DNAH14: variants seen among roughly 807,000 people sequenced by gnomAD.
DNAH14 encodes the protein axonemal beta dynein heavy chain 14.
A neutral mutation model predicts 520.9 loss-of-function variants in DNAH14; 478 were observed. That is an observed-to-expected ratio of 0.92 (90% CI 0.85 to 0.99). DNAH14 has a LOEUF of 0.99. Ranked by LOEUF, DNAH14 falls within the 50% of genes least tolerant of loss-of-function variation. The probability of loss-of-function intolerance (pLI) is 0.00; values close to 1 mark genes in which losing one functional copy is unlikely to be tolerated. For synonymous variants in DNAH14, 1,581 were observed against 1,757.2 expected (o/e 0.90, Z 2.51); for missense variants, 4,831 against 5,234.5 (o/e 0.92, Z 2.38).
At chr1:225,130,553 A>G (rs2078283324) in intron 27 of DNAH14, among the ~76,000 whole-genome samples, 1 of 150,430 alleles carries the variant, frequency 6.6e-6, no homozygotes, top group South Asian at 2.1e-4. Flanking sequence ...CATCATTCTC[A>G]GTAAAATATC....
chr1:225,007,050 ATTT>A (rs2064232322), intron 9 of DNAH14, among the ~76,000 whole-genome samples: 1 of 152,182 alleles, frequency 6.6e-6, no homozygotes, highest in South Asian at 2.1e-4. Flanking sequence ...ATAATGCTGT[ATTT>A]TATCTTTGTG....
intron 7 of DNAH14, 145 bp downstream of exon 7, chr1:224,969,019 C>A: frequency 1.9e-6 from 1 of 527,724 alleles, no homozygotes; most frequent in Non-Finnish European, 3.3e-6. Flanking sequence ...ACGGAACACC[C>A]CATTTCCTCT....
intron 10 of DNAH14, among the ~76,000 whole-genome samples, chr1:225,018,923 G>T (rs1039846409): frequency 6.6e-6 from 1 of 152,114 alleles, no homozygotes; most frequent in Non-Finnish European, 1.5e-5. Flanking sequence ...GGAAATGAAA[G>T]AACATTCCCT....
intron 11 of DNAH14, among the ~76,000 whole-genome samples, chr1:225,028,370 C>T (rs2148076696): frequency 6.6e-6 from 1 of 151,952 alleles, no homozygotes; most frequent in Non-Finnish European, 1.5e-5. Flanking sequence ...TTATGTCTTT[C>T]TAGGATTTTG....
intron 23 of DNAH14, among the ~76,000 whole-genome samples, chr1:225,112,440 A>G (rs891619192): frequency 3.3e-5 from 5 of 152,128 alleles, no homozygotes; most frequent in Non-Finnish European, 5.9e-5. Flanking sequence ...AAATGCCTTG[A>G]GGAAGTCTTC....
intron 60 of DNAH14, among the ~76,000 whole-genome samples, chr1:225,317,638 T>C (rs376574853): frequency 3.3e-5 from 5 of 152,290 alleles, no homozygotes; most frequent in East Asian, 3.9e-4. Flanking sequence ...AAAAAAAGTA[T>C]AGCAGGTTTA....
chr1:225,218,031 C>T lies in DNAH14; in HGVS notation c.6439+10811C>T, dbSNP rs1028437204. ...CCATCTTGGAACCTCCTAGTCCCAA[C>T]CCAGAATTTAATATCCAGCCAAACT... On this transcript the variant is annotated intron_variant, in intron 41 of 85. Coordinates refer to ENST00000682510, the MANE Select transcript of DNAH14 (RefSeq NM_001367479.1). 2.3e-4 allele frequency among the ~76,000 whole-genome samples: 35 copies of T among 152,100 alleles called. 1 individual carries two copies. The highest frequency in any genetic ancestry group is 8.5e-4 in the African/African-American group (35 of 41,416).
intron 4 of DNAH14, among the ~76,000 whole-genome samples, chr1:224,962,368 G>T (rs1038526934): frequency 6.6e-6 from 1 of 152,152 alleles, no homozygotes; most frequent in Non-Finnish European, 1.5e-5. Flanking sequence ...GACCTAATCA[G>T]ATATACCCTT....
At chr1:225,300,740 A>T (rs2094123464) in intron 55 of DNAH14, 129 bp from the exon 56 acceptor site, 27 of 454,720 alleles carry the variant, frequency 5.9e-5, no homozygotes, top group Middle Eastern at 7.2e-4. Context: ...GATTAGCTTT[A>T]AAAAAAAAAA....
chr1:225,261,374 G>A (rs181923557), intron 46 of DNAH14, among the ~76,000 whole-genome samples: 30 of 152,106 alleles, frequency 2.0e-4, no homozygotes, highest in South Asian at 6.2e-4. Context: ...CAAATGCTTC[G>A]TCTGTATTTA....
At chr1:224,956,644 T>C (rs1425517771) in intron 3 of DNAH14, among the ~76,000 whole-genome samples, 1 of 152,182 alleles carries the variant, frequency 6.6e-6, no homozygotes, top group East Asian at 1.9e-4. Context: ...TACATGACTG[T>C]ATTTCTTCCT....
At chr1:225,328,962 AATTAGGTATAT>A (rs1233317879) in intron 64 of DNAH14, among the ~76,000 whole-genome samples, 1 of 152,196 alleles carries the variant, frequency 6.6e-6, no homozygotes, top group African/African-American at 2.4e-5. Flanking sequence ...TACACATATA[AATTAGGTATAT>A]ATTTTCACCA....
chr1:225,133,914 G>A (rs561500330), intron 27 of DNAH14, among the ~76,000 whole-genome samples: 210 of 152,202 alleles, frequency 1.4e-3, no homozygotes, highest in Admixed American at 2.0e-3. Flanking sequence ...GCAGTGGTTT[G>A]TAGTTCTCCT....
chr1:225,138,978 AT>A (rs140844237), intron 27 of DNAH14, among the ~76,000 whole-genome samples: 6,588 of 152,192 alleles, frequency 0.043, 420 homozygotes, highest in African/African-American at 0.14. Context: ...ATAATCAAGT[AT>A]TTTTAAAGCA....
chr1:225,379,237 T>A lies in DNAH14; in HGVS notation c.12717-922T>A, dbSNP rs942972890. Among the ~76,000 whole-genome samples the A allele has an allele frequency of 1.7e-4, 26 of 152,232 alleles. 1 individual carries two copies. The highest frequency in any genetic ancestry group is 6.3e-4 in the African/African-American group (26 of 41,448). ...GTGCTCTGTTTAGTTGCCTCCTCTT[T>A]TTCATTGTCTTGCAGATGCATGCAG... On this transcript the variant is annotated intron_variant, in intron 79 of 85. Coordinates refer to ENST00000682510, the MANE Select transcript of DNAH14 (RefSeq NM_001367479.1).
chr1:225,080,442 ACT>A lies in DNAH14; in HGVS notation c.2836_2837del (p.Ser946ArgfsTer8), dbSNP rs751611387. On this transcript the variant is annotated frameshift_variant, in exon 19 of 86. Transcript: ENST00000682510. LOFTEE classifies it high-confidence loss of function. The part of the protein sequence containing the change: ...QVSTAMEMIQ[T>X]LSGEAASLTN... Reference sequence around the variant, plus strand: ...GTCAACAGCAATGGAAATGATCCAGACTCTCTCAGGGGAAGCTGCAAGTTTAA... The same window carrying A: ...GTCAACAGCAATGGAAATGATCCAGACTCTCAGGGGAAGCTGCAAGTTTAA... 8.1e-5 allele frequency: 126 copies of A among 1,551,424 alleles called. 1 individual carries two copies. In the African/African-American group the frequency reaches 1.4e-3, roughly 17 times the overall value.
At position 225,377,257 on chromosome 1, in the gene DNAH14, A is replaced by T. The variant is rs1369628010; in HGVS notation, c.12537A>T (p.Gly4179=). 1.4e-5 allele frequency: 20 copies of T among 1,411,964 alleles called. No individual in the cohort carries two copies. The African/African-American group carries it at 2.5e-4, about 17-fold the overall frequency. The allele number at this position is 1,411,964 out of a possible 1,614,324, so 87.5% of individuals were successfully genotyped here. ...TTCAGATATGTCTGCCAGTTCCAGG[A>T]TCTGCAAGCATAAAGGACTACATAC... ...SSDGICLPVP[G]SASIKDYIHI... is the part of the protein sequence containing the mutation. The change falls in exon 79 of 86, where the codon GGA becomes GGT. Residue 4179 remains glycine, a synonymous_variant. Transcript: ENST00000682510.
In DNAH14 at chr1:225,175,701, CTTTTT is replaced by C. The variant is rs35341695; in HGVS notation, c.5535+7689_5535+7693del. The stretch of plus-strand genomic sequence containing the variant: ...AGGTGTAAGTGTGTTTATTTTGGAT[CTTTTT>C]TTTTTTTTTTTTTTTGAGATGGAGT... On this transcript the variant is annotated intron_variant, in intron 36 of 85. Coordinates refer to ENST00000682510, the MANE Select transcript of DNAH14 (RefSeq NM_001367479.1). Among the ~76,000 whole-genome samples, 367 of 109,204 alleles carry C rather than the reference CTTTTT, an allele frequency of 3.4e-3. 3 individuals carry two copies. The highest frequency in any genetic ancestry group is 0.012 in the African/African-American group (319 of 27,070). The allele number at this position is 109,204 out of a possible 152,430, so 71.6% of individuals were successfully genotyped here.
intron 17 of DNAH14, among the ~76,000 whole-genome samples, chr1:225,074,180 T>C (rs1223338237): frequency 1.3e-5 from 2 of 151,428 alleles, no homozygotes; most frequent in Non-Finnish European, 2.9e-5. Context: ...TTTGTATTTT[T>C]AGTAGAGACG....
Sources: gnomAD v4.1 joint callset for allele counts (sites outside exome capture counted in the v4.1 genomes callset) on GRCh38, gnomAD v4.1.1 for gene constraint, MANE v1.5 for transcripts, NCBI Gene and HGNC (gene_info 2026-07-23, HGNC 2026-07-21) for gene names.